Variants in LRP1B observed in about 807,000 individuals in gnomAD.
The protein encoded by LRP1B is low-density lipoprotein receptor-related protein 1B.
LRP1B carries 217 observed loss-of-function variants against 556.6 expected under a neutral mutation model. The ratio of observed to expected loss-of-function variants is 0.39; its 90% CI spans 0.35 to 0.44. LRP1B has a LOEUF of 0.44. LRP1B is among the 20% of genes least tolerant of loss of function. The pLI, the probability that LRP1B is intolerant of heterozygous loss-of-function variation, is 1.00. For missense variants in LRP1B, 5,053 were observed against 5,620.8 expected (o/e 0.90, Z 3.23); for synonymous variants, 2,047 against 1,865.8 (o/e 1.10, Z -2.50).
At chr2:140,687,270 A>C (rs2105390602) in intron 41 of LRP1B, among the ~76,000 whole-genome samples, 1 of 152,306 alleles carries the variant, frequency 6.6e-6, no homozygotes, top group South Asian at 2.1e-4. Context: ...GTTTCTCTAC[A>C]TGTCCCTGAC....
intron 3 of LRP1B, among the ~76,000 whole-genome samples, chr2:141,262,626 T>A (rs529987383): frequency 2.0e-5 from 3 of 152,306 alleles, no homozygotes; most frequent in South Asian, 4.1e-4. Flanking sequence ...CATCATTTTG[T>A]ACACAAATGT....
intron 2 of LRP1B, among the ~76,000 whole-genome samples, chr2:141,607,304 A>G (rs922182968): frequency 6.6e-5 from 10 of 152,198 alleles, no homozygotes; most frequent in African/African-American, 2.4e-4. Flanking sequence ...AATGCCTTTC[A>G]CTTTGGTAAA....
chr2:142,015,342 C>T (rs1363970209), intron 1 of LRP1B, among the ~76,000 whole-genome samples: 1 of 152,058 alleles, frequency 6.6e-6, no homozygotes, highest in Non-Finnish European at 1.5e-5. Flanking sequence ...AAACTGGACC[C>T]CTTTCTTACA....
At chr2:141,754,072 T>C (rs1694235674) in intron 2 of LRP1B, among the ~76,000 whole-genome samples, 1 of 152,212 alleles carries the variant, frequency 6.6e-6, no homozygotes, top group Non-Finnish European at 1.5e-5. Context: ...TAGTTATCTG[T>C]TGGTCATCAG....
At chr2:141,184,263 T>C (rs1681137944) in intron 7 of LRP1B, among the ~76,000 whole-genome samples, 1 of 152,078 alleles carries the variant, frequency 6.6e-6, no homozygotes, top group African/African-American at 2.4e-5. Flanking sequence ...GTTCCTCTGT[T>C]ACATCTTCCC....
rs2104881644 is a variant in LRP1B at position 140,238,227 on chromosome 2, A to G, written c.13485T>C (p.Tyr4495=). Residue 4495 remains tyrosine, a synonymous_variant, in exon 89 of 91, where the codon TAT becomes TAC. Coordinates refer to ENST00000389484, the MANE Select transcript of LRP1B (RefSeq NM_018557.3). ...GATCATGATCTACCTCATACATGTT[A>G]TAAGATGGATTGCCAATTTCTACAT... ...GINVEIGNPS[Y]NMYEVDHDHN... is the part of the protein sequence containing the mutation. The G allele has an allele frequency of 6.2e-7, 1 of 1,600,134 alleles. No homozygotes were observed. The highest frequency in any genetic ancestry group is 1.1e-5 in the South Asian group (1 of 90,536).
chr2:142,073,675 C>A (rs1230022839), intron 1 of LRP1B, among the ~76,000 whole-genome samples: 1 of 152,000 alleles, frequency 6.6e-6, no homozygotes, highest in African/African-American at 2.4e-5. Context: ...TGTGTCCCCA[C>A]CCAAATCTCA....
At chr2:141,076,813 A>T (rs1462196458) in intron 7 of LRP1B, among the ~76,000 whole-genome samples, 1 of 152,240 alleles carries the variant, frequency 6.6e-6, no homozygotes, top group Non-Finnish European at 1.5e-5. Flanking sequence ...AAACAAGATC[A>T]TTGAGGATAA....
At chr2:141,044,820 T>C (rs1309149355) in intron 11 of LRP1B, among the ~76,000 whole-genome samples, 126 of 150,510 alleles carry the variant, frequency 8.4e-4, no homozygotes, top group Non-Finnish European at 5.0e-4. Flanking sequence ...ACACTGTTGG[T>C]GGGACTGTAA....
chr2:141,064,571 G>A (rs1699429191), intron 7 of LRP1B, among the ~76,000 whole-genome samples: 1 of 151,964 alleles, frequency 6.6e-6, no homozygotes, highest in African/African-American at 2.4e-5. Flanking sequence ...TCCTGACTGT[G>A]ATGAGCTCTG....
At chr2:140,939,671 T>C (rs1401324460) in intron 20 of LRP1B, among the ~76,000 whole-genome samples, 2 of 151,356 alleles carry the variant, frequency 1.3e-5, no homozygotes, top group Non-Finnish European at 2.9e-5. Context: ...AATATTCCCT[T>C]TTCAGATAGC....
rs147216593 is a variant in LRP1B at position 141,925,826 on chromosome 2, G to A, written c.83-115425C>T. Among the ~76,000 whole-genome samples, 18 of 152,264 alleles carry A rather than the reference G, an allele frequency of 1.2e-4. No individual in the cohort carries two copies. In the East Asian group the frequency reaches 3.5e-3, roughly 29 times the overall value. ...TGCAAAGCCTAGCAGAAAGACTACAGACTTTGGACTTCTTGGTTTAAATTC... is the reference window on the plus strand; with the variant it reads ...TGCAAAGCCTAGCAGAAAGACTACAAACTTTGGACTTCTTGGTTTAAATTC... On this transcript the variant is annotated intron_variant, in intron 1 of 90. Coordinates refer to ENST00000389484, the MANE Select transcript of LRP1B (RefSeq NM_018557.3).
chr2:140,846,645 T>G (rs546218804), intron 29 of LRP1B, among the ~76,000 whole-genome samples: 1 of 152,194 alleles, frequency 6.6e-6, no homozygotes, highest in African/African-American at 2.4e-5. Context: ...GGGCCCAATT[T>G]TTGAAGCTGA....
intron 3 of LRP1B, among the ~76,000 whole-genome samples, chr2:141,407,189 T>C (rs1194911737): frequency 6.6e-6 from 1 of 152,184 alleles, no homozygotes; most frequent in Non-Finnish European, 1.5e-5. Flanking sequence ...TTCTATACAT[T>C]TTGAGATTGA....
intron 2 of LRP1B, among the ~76,000 whole-genome samples, chr2:141,521,751 A>T (rs1290762837): frequency 1.3e-5 from 2 of 152,164 alleles, no homozygotes; most frequent in South Asian, 2.1e-4. Flanking sequence ...AATTAATAAT[A>T]TCTTTATTTG....
chr2:141,111,782 G>A (rs1442397351), intron 7 of LRP1B, among the ~76,000 whole-genome samples: 1 of 152,066 alleles, frequency 6.6e-6, no homozygotes, highest in African/African-American at 2.4e-5. Context: ...CGGTAGTGGT[G>A]GCTCACGCCT....
Position 140,868,088 on chromosome 2 carries a change from A to AT in LRP1B, c.4334+10dup, listed in dbSNP as rs768206665. 26 of 1,573,704 alleles carry AT rather than the reference A, an allele frequency of 1.7e-5. No individual in the cohort carries two copies. In the African/African-American group the frequency reaches 2.2e-4, roughly 13 times the overall value. Reference sequence around the variant, plus strand: ...AAAAAAAAAATACAGAAAAGAGATGATTTTTTAAACCTGGCGTCTGTCCAC... The same window carrying AT: ...AAAAAAAAAATACAGAAAAGAGATGATTTTTTTAAACCTGGCGTCTGTCCAC... On this transcript the variant is annotated intron_variant, in intron 26 of 90. Coordinates refer to ENST00000389484, the MANE Select transcript of LRP1B (RefSeq NM_018557.3).
At chr2:142,036,943 A>T (rs188430834) in intron 1 of LRP1B, among the ~76,000 whole-genome samples, 9 of 151,822 alleles carry the variant, frequency 5.9e-5, no homozygotes, top group Non-Finnish European at 8.9e-5. Flanking sequence ...ACAGATTTTT[A>T]AAAAATTATA....
intron 3 of LRP1B, among the ~76,000 whole-genome samples, chr2:141,282,545 A>G (rs1037648034): frequency 1.3e-5 from 2 of 149,088 alleles, no homozygotes; most frequent in Non-Finnish European, 3.0e-5. Context: ...GAAGGAGAGA[A>G]TATACATATA....
Sources: allele counts gnomAD v4.1 joint callset (sites outside exome capture counted in the v4.1 genomes callset), GRCh38; gene constraint gnomAD v4.1.1; transcripts MANE v1.5; gene names NCBI Gene and HGNC (gene_info 2026-07-23, HGNC 2026-07-21).